RFX3: variants seen among roughly 807,000 people sequenced by gnomAD.
RFX3 encodes the protein regulatory factor X3, also known as transcription factor RFX3.
RFX3 carries 14 observed loss-of-function variants against 98.6 expected under a neutral mutation model. The ratio of observed to expected loss-of-function variants is 0.14; its 90% CI spans 0.09 to 0.22. RFX3 has a LOEUF of 0.22. Among genes scored for constraint, RFX3 ranks in the 10% least tolerant of loss-of-function variants. The pLI, the probability that RFX3 is intolerant of heterozygous loss-of-function variation, is 1.00. For synonymous variants in RFX3, 383 were observed against 328.4 expected (o/e 1.17, Z -1.80); for missense variants, 639 against 926.9 (o/e 0.69, Z 4.03).
At chr9:3,385,581 G>A (rs115450865) in intron 2 of RFX3, among the ~76,000 whole-genome samples, 2,203 of 151,402 alleles carry the variant, frequency 0.015, 49 homozygotes, top group African/African-American at 0.05. Context: ...GGCAGTGTGC[G>A]CCTGTAATCC....
At chr9:3,408,267 A>G (rs1458347145) in intron 1 of RFX3, among the ~76,000 whole-genome samples, 1 of 152,182 alleles carries the variant, frequency 6.6e-6, no homozygotes, top group African/African-American at 2.4e-5. Flanking sequence ...GTAGAGCTTT[A>G]AGGAAGGCTG....
chr9:3,238,725 T>C (rs1223107987), intron 15 of RFX3, among the ~76,000 whole-genome samples: 1 of 152,150 alleles, frequency 6.6e-6, no homozygotes, highest in Admixed American at 6.5e-5. Context: ...TCAATTCTAT[T>C]AACGTTACTT....
At chr9:3,303,855 T>C (rs577627419) in intron 4 of RFX3, among the ~76,000 whole-genome samples, 1 of 151,994 alleles carries the variant, frequency 6.6e-6, no homozygotes, top group Non-Finnish European at 1.5e-5. Context: ...CATTCTAGAA[T>C]GCCTTGGACC....
At chr9:3,242,491 G>A (rs1820086161) in intron 15 of RFX3, among the ~76,000 whole-genome samples, 1 of 151,818 alleles carries the variant, frequency 6.6e-6, no homozygotes, top group Non-Finnish European at 1.5e-5. Flanking sequence ...TTGTTCAACA[G>A]GCACATTTAA....
At chr9:3,415,479 A>G (rs758406014) in intron 1 of RFX3, among the ~76,000 whole-genome samples, 11 of 152,200 alleles carry the variant, frequency 7.2e-5, no homozygotes, top group Middle Eastern at 6.8e-3. Context: ...AACAAGACCC[A>G]CATCCACTAT....
At chr9:3,238,797 G>A (rs1339438014) in intron 15 of RFX3, among the ~76,000 whole-genome samples, 2 of 152,132 alleles carry the variant, frequency 1.3e-5, no homozygotes, top group Non-Finnish European at 2.9e-5. Flanking sequence ...ACACCAGCCT[G>A]ACCGACATGG....
At chr9:3,252,520 T>C (rs1821557316) in intron 14 of RFX3, among the ~76,000 whole-genome samples, 1 of 152,160 alleles carries the variant, frequency 6.6e-6, no homozygotes, top group South Asian at 2.1e-4. Flanking sequence ...GTGAAGAGTC[T>C]TCCTGGCAGA....
At chr9:3,330,846 T>C (rs1249400117) in intron 3 of RFX3, among the ~76,000 whole-genome samples, 2 of 152,204 alleles carry the variant, frequency 1.3e-5, no homozygotes, top group Non-Finnish European at 2.9e-5. Flanking sequence ...TAAAATGTAC[T>C]ACAAATCCCA....
At chr9:3,288,071 A>G in intron 7 of RFX3, 60 bp downstream of exon 7, 1 of 1,530,336 alleles carries the variant, frequency 6.5e-7, no homozygotes, top group Non-Finnish European at 8.9e-7. Flanking sequence ...AGAAAAAAGG[A>G]GACCCGAACA....
chr9:3,305,520 G>T (rs1221374095), intron 4 of RFX3, among the ~76,000 whole-genome samples: 1 of 151,990 alleles, frequency 6.6e-6, no homozygotes, highest in African/African-American at 2.4e-5. Flanking sequence ...ACAACGGTGG[G>T]AAAGTGAGGG....
intron 7 of RFX3, among the ~76,000 whole-genome samples, chr9:3,284,491 T>G (rs190118718): frequency 1.3e-5 from 2 of 151,802 alleles, no homozygotes; most frequent in East Asian, 3.9e-4. Context: ...TTAAAAAAAC[T>G]GTTACACAGT....
intron 1 of RFX3, among the ~76,000 whole-genome samples, chr9:3,405,610 T>A (rs1841886604): frequency 6.6e-6 from 1 of 152,204 alleles, no homozygotes; most frequent in Non-Finnish European, 1.5e-5. Context: ...AATCTTGGGA[T>A]CCAGTCATCT....
intron 15 of RFX3, among the ~76,000 whole-genome samples, chr9:3,233,163 A>C (rs1818705447): frequency 6.6e-6 from 1 of 152,232 alleles, no homozygotes; most frequent in Non-Finnish European, 1.5e-5. Context: ...CCAGGCAGCC[A>C]GTGAGAGTCT....
intron 14 of RFX3, 21 bp from the exon 15 acceptor site, chr9:3,248,206 A>G (rs1261333248): frequency 1.3e-6 from 2 of 1,577,412 alleles, no homozygotes; most frequent in African/African-American, 1.4e-5. Flanking sequence ...AGAAAAGACA[A>G]ATATGCAGCT....
intron 1 of RFX3, among the ~76,000 whole-genome samples, chr9:3,432,435 C>T (rs906599588): frequency 8.5e-5 from 13 of 152,134 alleles, no homozygotes; most frequent in Admixed American, 5.9e-4. Flanking sequence ...ATTGAAGAGA[C>T]CATGGTTGTT....
intron 1 of RFX3, among the ~76,000 whole-genome samples, chr9:3,452,072 T>A (rs2132880078): frequency 6.6e-6 from 1 of 151,974 alleles, no homozygotes; most frequent in South Asian, 2.1e-4. Flanking sequence ...AGTAACCAAT[T>A]TTCTCATCTA....
At chr9:3,432,364 C>T (rs895607662) in intron 1 of RFX3, among the ~76,000 whole-genome samples, 5 of 151,996 alleles carry the variant, frequency 3.3e-5, no homozygotes, top group African/African-American at 1.2e-4. Context: ...AAAGGACTGT[C>T]GATACTATGG....
intron 2 of RFX3, chr9:3,364,255 C>T (rs1310671569): frequency 6.4e-6 from 1 of 157,070 alleles, no homozygotes; most frequent in Non-Finnish European, 1.4e-5. Context: ...TTACTAATTT[C>T]ACTTTTTTTT....
chr9:3,378,757 T>A (rs1838842622), intron 2 of RFX3, among the ~76,000 whole-genome samples: 1 of 151,990 alleles, frequency 6.6e-6, no homozygotes, highest in Non-Finnish European at 1.5e-5. Flanking sequence ...GGTTTCATCA[T>A]GTTGGCCAGG....
Sources: allele counts gnomAD v4.1 joint callset (sites outside exome capture counted in the v4.1 genomes callset), GRCh38; gene constraint gnomAD v4.1.1; transcripts MANE v1.5; gene names NCBI Gene and HGNC (gene_info 2026-07-23, HGNC 2026-07-21).